Variants in NEB observed in about 807,000 individuals in gnomAD.
The protein encoded by NEB is nemaline myopathy type 2.
In NEB, 512 loss-of-function variants were observed where a neutral mutation model predicts 952.2. The observed-to-expected ratio is 0.54, with a 90% CI of 0.50 to 0.58. The LOEUF (loss-of-function observed/expected upper bound fraction) is 0.58. NEB is among the 20% of genes least tolerant of loss of function. The pLI is 0.00. For synonymous variants in NEB, 2,900 were observed against 3,149.8 expected (o/e 0.92, Z 2.66); for missense variants, 8,428 against 9,231.1 (o/e 0.91, Z 3.56).
At chr2:151,563,245 C>T (rs1197249185) in intron 119 of NEB, among the ~76,000 whole-genome samples, 1 of 152,108 alleles carries the variant, frequency 6.6e-6, no homozygotes, top group Non-Finnish European at 1.5e-5. Context: ...GAACTCCTGA[C>T]CTCTGGTGAT....
Position 151,559,952 on chromosome 2 carries a change from A to AAC in NEB, c.19314+638_19314+639dup, listed in dbSNP as rs201046639. ...CTTAAAGTATAATAAACCAAAACAA[A>AAC]ACACACACACGCAAAAAGGTTTTAC... On this transcript the variant is annotated intron_variant, in intron 124 of 181. Transcript: ENST00000397345. Among the ~76,000 whole-genome samples the AAC allele has an allele frequency of 3.7e-4, 56 of 152,246 alleles. 1 individual carries two copies. The highest frequency in any genetic ancestry group is 7.0e-4 in the African/African-American group (29 of 41,556).
At chr2:151,491,421 CT>C (rs372984467) in intron 179 of NEB, 7,104 of 338,790 alleles carry the variant, frequency 0.021, 118 homozygotes, top group African/African-American at 0.039. Flanking sequence ...AGAATTACTA[CT>C]GTTTTTTCTT....
rs2152861881 is a variant in NEB at position 151,493,773 on chromosome 2, AC to A, written c.24672+1del. On this transcript the variant is annotated splice_donor_variant, in intron 175 of 181. Coordinates refer to ENST00000397345, the MANE Select transcript of NEB (RefSeq NM_001164508.2). LOFTEE classifies it high-confidence loss of function. ...AGGATTTATTTTTCCTTTCTAAAAT[AC>A]CGAGCTAAAGTTTTCTTGATTGCGT... The A allele has an allele frequency of 1.3e-6, 2 of 1,552,550 alleles. No homozygotes were observed. Among genetic ancestry groups the A allele is most frequent in the Non-Finnish European group, 1.8e-6 (2 of 1,139,502 alleles).
intron 68 of NEB, among the ~76,000 whole-genome samples, 155 bp from the exon 69 acceptor site, chr2:151,627,989 G>A (rs540510067): frequency 3.9e-5 from 6 of 152,156 alleles, no homozygotes; most frequent in Admixed American, 1.3e-4. Context: ...ATTCTTATTA[G>A]ACTCTACAGC....
intron 32 of NEB, among the ~76,000 whole-genome samples, chr2:151,678,543 A>T (rs1192726019): frequency 6.6e-6 from 1 of 152,240 alleles, no homozygotes; most frequent in Non-Finnish European, 1.5e-5. Flanking sequence ...TACCAATTAC[A>T]TTGTGCTACT....
chr2:151,571,154 C>T (rs949398257), intron 107 of NEB, among the ~76,000 whole-genome samples: 1 of 152,102 alleles, frequency 6.6e-6, no homozygotes, highest in Non-Finnish European at 1.5e-5. Flanking sequence ...TACAGGCATG[C>T]GCCACCAGGC....
At chr2:151,698,139 T>C (rs1330078225) in intron 13 of NEB, among the ~76,000 whole-genome samples, 1 of 152,226 alleles carries the variant, frequency 6.6e-6, no homozygotes, top group African/African-American at 2.4e-5. Context: ...TGTCATGAAT[T>C]ATAAGACTGT....
chr2:151,664,841 T>C lies in NEB; in HGVS notation c.5261A>G (p.Asn1754Ser). Reference protein sequence around the residue: ...MDKRLYTEKWNKDKTTIHVMP... With the variant: ...MDKRLYTEKWSKDKTTIHVMP... ...GACATGAATGGTGGTCTTGTCCTTGTTCCATTTTTCAGTGTAGAGCCTCTG... is the reference window on the plus strand; with the variant it reads ...GACATGAATGGTGGTCTTGTCCTTGCTCCATTTTTCAGTGTAGAGCCTCTG... The change falls in exon 43 of 182, where the codon AAC (asparagine) becomes AGC (serine). Residue 1754 changes from asparagine to serine, a missense_variant. Transcript: ENST00000397345. 6.2e-7 allele frequency: 1 copy of C among 1,612,432 alleles called. No individual in the cohort carries two copies. The highest frequency in any genetic ancestry group is 8.5e-7 in the Non-Finnish European group (1 of 1,179,076).
chr2:151,636,387 C>T, intron 63 of NEB, 53 bp from the exon 64 acceptor site: 3 of 1,385,254 alleles, frequency 2.2e-6, no homozygotes, highest in Non-Finnish European at 2.0e-6. Context: ...TAAAAACTGA[C>T]AGAGGACTAA....
chr2:151,573,000 C>A (rs1363599267), intron 107 of NEB, among the ~76,000 whole-genome samples: 1 of 151,856 alleles, frequency 6.6e-6, no homozygotes, highest in Non-Finnish European at 1.5e-5. Flanking sequence ...ATAACAATAT[C>A]TTACTCAATG....
chr2:151,676,189 T>C (rs1424808493), intron 34 of NEB, among the ~76,000 whole-genome samples: 4 of 152,186 alleles, frequency 2.6e-5, no homozygotes, highest in Non-Finnish European at 5.9e-5. Context: ...AATAGCTAAA[T>C]TAATCCCCAA....
At chr2:151,724,507 C>T in intron 7 of NEB, 143 bp from the exon 8 acceptor site, 1 of 652,830 alleles carries the variant, frequency 1.5e-6, no homozygotes, top group South Asian at 1.9e-5. Flanking sequence ...ATGCCAACAT[C>T]CTATAATACT....
chr2:151,639,261 T>A lies in NEB; in HGVS notation c.8994+19A>T. The A allele has an allele frequency of 6.6e-7, 1 of 1,507,594 alleles. No individual in the cohort carries two copies. The highest frequency in any genetic ancestry group is 1.2e-5 in the South Asian group (1 of 83,400). 93.4% of individuals were successfully genotyped at this position (1,507,594 alleles called of 1,614,324 possible). ...TGAAATAAGCAGCAGTGTGCAAATGTCAAAGAATCTGCTCTCACCTCACTG... is the reference window on the plus strand; with the variant it reads ...TGAAATAAGCAGCAGTGTGCAAATGACAAAGAATCTGCTCTCACCTCACTG... On this transcript the variant is annotated intron_variant, in intron 63 of 181. Coordinates refer to ENST00000397345, the MANE Select transcript of NEB (RefSeq NM_001164508.2).
At chr2:151,686,143 A>G (rs2099496447) in intron 27 of NEB, among the ~76,000 whole-genome samples, 1 of 152,214 alleles carries the variant, frequency 6.6e-6, no homozygotes, top group Non-Finnish European at 1.5e-5. Context: ...GTGTGGAAGT[A>G]TTTTTGAAGA....
chr2:151,677,225 G>T (rs1343474269), intron 34 of NEB, among the ~76,000 whole-genome samples: 1 of 152,158 alleles, frequency 6.6e-6, no homozygotes, highest in Non-Finnish European at 1.5e-5. Context: ...CCACAATAAA[G>T]TGTCTGGGAT....
chr2:151,693,733 T>C (rs538027877), intron 20 of NEB, among the ~76,000 whole-genome samples: 5 of 152,332 alleles, frequency 3.3e-5, no homozygotes, highest in African/African-American at 1.2e-4. Context: ...TATATATTTA[T>C]AATAGAATGA....
intron 155 of NEB, among the ~76,000 whole-genome samples, chr2:151,518,665 A>G (rs879893794): frequency 7.9e-5 from 12 of 152,230 alleles, no homozygotes; most frequent in Non-Finnish European, 1.5e-4. Flanking sequence ...TAAAAAGTTA[A>G]AAGTGAAAGA....
At chr2:151,493,067 G>GAACTACCTCAAAGTATA (rs2057820993) in intron 176 of NEB, 1 of 324,948 alleles carries the variant, frequency 3.1e-6, no homozygotes, top group African/African-American at 2.2e-5. Context: ...TGGTTACGTA[G>GAACTACCTCAAAGTATA]AACTACCTCA....
chr2:151,516,339 T>C, intron 157 of NEB, 120 bp downstream of exon 157: 2 of 619,810 alleles, frequency 3.2e-6, no homozygotes, highest in Admixed American at 3.1e-5. Context: ...AGTGATCACA[T>C]GATAAAAAGT....
Sources: allele counts gnomAD v4.1 joint callset (sites outside exome capture counted in the v4.1 genomes callset), GRCh38; gene constraint gnomAD v4.1.1; transcripts MANE v1.5; gene names NCBI Gene and HGNC (gene_info 2026-07-23, HGNC 2026-07-21).